PCDH15: variants seen among roughly 807,000 people sequenced by gnomAD.
The protein encoded by PCDH15 is protocadherin-15.
Under a neutral mutation model 178.5 loss-of-function variants are expected in PCDH15, and 129 were observed. That is an observed-to-expected ratio of 0.72 (90% CI 0.63 to 0.84). The LOEUF is 0.84. Ranked by LOEUF, PCDH15 falls within the 40% of genes least tolerant of loss-of-function variation. PCDH15 has a pLI of 0.00. For synonymous variants in PCDH15, 800 were observed against 732.0 expected (o/e 1.09, Z -1.50); for missense variants, 2,230 against 2,099.9 (o/e 1.06, Z -1.21).
intron 26 of PCDH15, among the ~76,000 whole-genome samples, chr10:53,895,688 C>G (rs1351935741): frequency 6.6e-6 from 1 of 152,134 alleles, no homozygotes; most frequent in African/African-American, 2.4e-5. Flanking sequence ...AGACAACATG[C>G]AATAAACTGG....
At chr10:53,930,441 G>A (rs1354675422) in intron 25 of PCDH15, among the ~76,000 whole-genome samples, 2 of 100,284 alleles carry the variant, frequency 2.0e-5, no homozygotes, top group African/African-American at 7.8e-5. Flanking sequence ...CTGGGTGACA[G>A]AGTGAGACTC....
chr10:54,620,042 C>G (rs2093308174), intron 2 of PCDH15, among the ~76,000 whole-genome samples: 1 of 151,966 alleles, frequency 6.6e-6, no homozygotes, highest in African/African-American at 2.4e-5. Context: ...ATTTAAATGT[C>G]CACAATCTTG....
chr10:54,385,881 A>C (rs1180845614), intron 3 of PCDH15, among the ~76,000 whole-genome samples: 1 of 152,188 alleles, frequency 6.6e-6, no homozygotes, highest in Non-Finnish European at 1.5e-5. Flanking sequence ...AGCCTGACGA[A>C]GTACTTTACT....
chr10:53,983,229 T>C (rs1463605024), intron 21 of PCDH15, among the ~76,000 whole-genome samples: 4 of 151,748 alleles, frequency 2.6e-5, no homozygotes, highest in Non-Finnish European at 5.9e-5. Context: ...GGTGTGTGTG[T>C]GTTTGTGTGT....
chr10:55,131,147 TAC>T (rs1838031330), intron 2 of PCDH15, among the ~76,000 whole-genome samples: 1 of 152,206 alleles, frequency 6.6e-6, no homozygotes, highest in African/African-American at 2.4e-5. Flanking sequence ...TACTGTGTCA[TAC>T]AGAATAGTTT....
chr10:53,972,744 C>A (rs2089838279), intron 21 of PCDH15, among the ~76,000 whole-genome samples: 1 of 152,092 alleles, frequency 6.6e-6, no homozygotes. Flanking sequence ...CAATGAGATA[C>A]CATCTCACAC....
rs118087898 is a variant in PCDH15 at position 55,452,497 on chromosome 10, T to C, written c.-156+175128A>G. ...GGAATCTAGATTCTGGTTTCCTTTC[T>C]TATCCTAACACTAAGCCCACAATAG... On this transcript the variant is annotated intron_variant, in intron 2 of 5. Coordinates refer to the PCDH15 transcript ENST00000613346. Among the ~76,000 whole-genome samples, 99 of 152,336 alleles carry C rather than the reference T, an allele frequency of 6.5e-4. 2 individuals carry two copies. The East Asian group carries it at 0.018, about 27-fold the overall frequency.
chr10:54,527,777 A>AAGTAGATT, intron 3 of PCDH15, 35 bp downstream of exon 3: 1 of 1,527,082 alleles, frequency 6.5e-7, no homozygotes, highest in Non-Finnish European at 9.0e-7. Flanking sequence ...AAACCCTCTT[A>AAGTAGATT]GATAAGACAT....
intron 2 of PCDH15, among the ~76,000 whole-genome samples, chr10:54,551,636 G>A (rs963063119): frequency 1.3e-5 from 2 of 151,992 alleles, no homozygotes; most frequent in African/African-American, 4.8e-5. Context: ...TGAAAAATAT[G>A]TATATACTGA....
At chr10:54,525,412 G>T (rs2083274832) in intron 3 of PCDH15, among the ~76,000 whole-genome samples, 1 of 152,154 alleles carries the variant, frequency 6.6e-6, no homozygotes, top group Non-Finnish European at 1.5e-5. Flanking sequence ...CTGGAAAGGA[G>T]AAATTAAGAG....
In PCDH15 at chr10:54,020,379, C is replaced by T. The variant is rs763530050; in HGVS notation, c.2564G>A (p.Arg855Gln). The change falls in exon 20 of 38, where the codon CGG becomes CAG. Residue 855 changes from arginine to glutamine, a missense_variant. By Grantham distance (43) the Arg-to-Gln change is conservative. Transcript: ENST00000644397. ...DVDLGANVSYRIRSPEVKHFF... is the reference protein window; with the variant it reads ...DVDLGANVSYQIRSPEVKHFF... ...GTGCTTCACTTCTGGGCTTCTTATCCGGTAAGACACATTTGCTCCAAGGTC... is the reference window on the plus strand; with the variant it reads ...GTGCTTCACTTCTGGGCTTCTTATCTGGTAAGACACATTTGCTCCAAGGTC... 32 of 1,613,550 alleles carry T rather than the reference C, an allele frequency of 2.0e-5. No individual in the cohort carries two copies. Among genetic ancestry groups the T allele is most frequent in the African/African-American group, 5.3e-5 (4 of 74,862 alleles).
intron 14 of PCDH15, among the ~76,000 whole-genome samples, chr10:54,144,657 A>G (rs1409389792): frequency 1.3e-5 from 2 of 152,096 alleles, no homozygotes; most frequent in Non-Finnish European, 2.9e-5. Flanking sequence ...CCTTGCCTAT[A>G]ATTGCTGTGT....
intron 28 of PCDH15, among the ~76,000 whole-genome samples, chr10:53,847,020 G>A (rs773003550): frequency 7.2e-5 from 11 of 151,958 alleles, no homozygotes; most frequent in African/African-American, 2.4e-4. Flanking sequence ...GCTGGTAGAC[G>A]TAGATTAAAA....
chr10:54,716,726 C>A (rs914253868), intron 1 of PCDH15, among the ~76,000 whole-genome samples: 23 of 152,050 alleles, frequency 1.5e-4, no homozygotes, highest in African/African-American at 5.5e-4. Flanking sequence ...ATCAAGCTAC[C>A]AATGACTTTC....
At chr10:54,789,478 T>C (rs1333844969) in intron 1 of PCDH15, among the ~76,000 whole-genome samples, 1 of 151,788 alleles carries the variant, frequency 6.6e-6, no homozygotes, top group Non-Finnish European at 1.5e-5. Context: ...CTTGAGTGAT[T>C]TAGTAGCTAC....
chr10:55,050,703 T>G (rs1194825508), intron 2 of PCDH15, among the ~76,000 whole-genome samples: 3 of 152,102 alleles, frequency 2.0e-5, no homozygotes, highest in African/African-American at 7.2e-5. Context: ...TTAAAATCCC[T>G]TCTTATCTCT....
chr10:55,014,023 T>C (rs1307223752), intron 2 of PCDH15, among the ~76,000 whole-genome samples: 1 of 152,076 alleles, frequency 6.6e-6, no homozygotes, highest in South Asian at 2.1e-4. Context: ...GATATAAAAA[T>C]ATACTGAACA....
rs1200195919 is a variant in PCDH15, at chr10:54,812,840, C to G, written c.-29+84610G>C. ...TCTCGAACTCCTAACCTCAGGTGTT[C>G]CACCCATCTCAGCCTCCCAAAGTGC... On this transcript the variant is annotated intron_variant, in intron 3 of 5. Coordinates refer to the PCDH15 transcript ENST00000458638. Among the ~76,000 whole-genome samples the G allele has an allele frequency of 5.9e-5, 9 of 152,172 alleles. No individual in the cohort carries two copies. In the East Asian group the frequency reaches 1.7e-3, roughly 30 times the overall value.
chr10:54,123,167 A>C (rs2041697238), intron 15 of PCDH15, among the ~76,000 whole-genome samples: 1 of 152,200 alleles, frequency 6.6e-6, no homozygotes, highest in African/African-American at 2.4e-5. Context: ...ATCATTGATA[A>C]GTTGGACCTA....
Sources: allele counts gnomAD v4.1 joint callset (sites outside exome capture counted in the v4.1 genomes callset), GRCh38; gene constraint gnomAD v4.1.1; transcripts MANE v1.5; gene names NCBI Gene and HGNC (gene_info 2026-07-23, HGNC 2026-07-21).